Variants in MTF1 observed in about 807,000 individuals in gnomAD.
The protein encoded by MTF1 is metal regulatory transcription factor 1.
Under a neutral mutation model 70.4 loss-of-function variants are expected in MTF1, and 22 were observed. The ratio of observed to expected loss-of-function variants is 0.31; its 90% CI spans 0.22 to 0.45. The LOEUF is 0.45. Ranked by LOEUF, MTF1 falls within the 20% of genes least tolerant of loss-of-function variation. The pLI, the probability that MTF1 is intolerant of heterozygous loss-of-function variation, is 1.00. For missense variants in MTF1, 649 were observed against 922.0 expected, an observed-to-expected ratio of 0.70 and a Z score of 3.83; for synonymous variants, 333 against 352.8, an observed-to-expected ratio of 0.94 and a Z score of 0.63.
chr1:37,838,800 T>C lies in MTF1; in HGVS notation c.648-44A>G, dbSNP rs1021136155. On this transcript the variant is annotated intron_variant, in intron 3 of 10. Coordinates refer to ENST00000373036, the MANE Select transcript of MTF1 (RefSeq NM_005955.3). ...AAATTCCCTTTGTCATAAAATTCTTTTTTTTTTTTTTTTTTTTTTCTGAGA... is the reference window on the plus strand; with the variant it reads ...AAATTCCCTTTGTCATAAAATTCTTCTTTTTTTTTTTTTTTTTTTCTGAGA... 9 of 1,049,936 alleles carry C rather than the reference T, an allele frequency of 8.6e-6. No homozygotes were observed. In the African/African-American group the frequency reaches 9.1e-5, roughly 11 times the overall value. The allele number at this position is 1,049,936 out of a possible 1,614,324, so 65.0% of individuals were successfully genotyped here. A position where few individuals can be genotyped will look rare whatever the true frequency, so the allele number is the denominator to read the frequency against.
intron 2 of MTF1, among the ~76,000 whole-genome samples, chr1:37,856,746 C>T (rs11485996): frequency 0.27 from 40,030 of 151,028 alleles, 5,496 homozygotes; most frequent in Non-Finnish European, 0.3. Context: ...ATGATCCACC[C>T]GCCTCAGCCT....
rs1640834718 is a variant in MTF1, at chr1:37,817,302, A to C, written c.1831+117T>G. 6.8e-6 allele frequency: 5 copies of C among 730,252 alleles called. 1 individual carries two copies. In the South Asian group the frequency reaches 7.8e-5, roughly 11 times the overall value. 45.2% of individuals were successfully genotyped at this position (730,252 alleles called of 1,614,324 possible). ...GCCAACAATACAATGTGAAGAATTT[A>C]ACTGAGGCTGTTTAAAGATTTTTAA... On this transcript the variant is annotated intron_variant, in intron 10 of 10. Coordinates refer to ENST00000373036, the MANE Select transcript of MTF1 (RefSeq NM_005955.3).
intron 2 of MTF1, among the ~76,000 whole-genome samples, chr1:37,843,036 TAA>T (rs1022771915): frequency 1.3e-5 from 2 of 152,292 alleles, no homozygotes; most frequent in African/African-American, 4.8e-5. Flanking sequence ...TTTTTGTTTT[TAA>T]GAGACAGGGT....
chr1:37,820,214 C>T (rs970941046), intron 9 of MTF1, among the ~76,000 whole-genome samples: 1 of 152,104 alleles, frequency 6.6e-6, no homozygotes, highest in Non-Finnish European at 1.5e-5. Flanking sequence ...CCTGTTGAGC[C>T]CCAAATGGCC....
At position 37,814,754 on chromosome 1, in the gene MTF1, G is replaced by A. The variant is rs964529177; in HGVS notation, c.*382C>T. 4 of 201,684 alleles carry A rather than the reference G, an allele frequency of 2.0e-5. No individual in the cohort carries two copies. The highest frequency in any genetic ancestry group is 5.3e-5 in the Admixed American group (1 of 18,782). The allele number at this position is 201,684 out of a possible 1,614,324, so 12.5% of individuals were successfully genotyped here. ...CCCAACACACTGAAAACTCCTGCCC[G>A]ATCCACAAAGACCCCAGTGCAAGCG... On this transcript the variant is annotated 3_prime_UTR_variant, in exon 11 of 11. Coordinates refer to ENST00000373036, the MANE Select transcript of MTF1 (RefSeq NM_005955.3).
Position 37,815,577 on chromosome 1 carries a change from G to C in MTF1, c.1832-11C>G. 1 of 1,520,144 alleles carries C rather than the reference G, an allele frequency of 6.6e-7. No homozygotes were observed. The highest frequency in any genetic ancestry group is 1.3e-5 in the South Asian group (1 of 74,762). 94.2% of individuals were successfully genotyped at this position (1,520,144 alleles called of 1,614,324 possible). A position where few individuals can be genotyped will look rare whatever the true frequency, so the allele number is the denominator to read the frequency against. The stretch of plus-strand genomic sequence containing the variant: ...GCTGGACAGAGCTCCCTGCGAGAGA[G>C]GCAAGAGAGACTGCTCTTCAAGTAG... On this transcript the variant is annotated splice_polypyrimidine_tract_variant and intron_variant, in intron 10 of 10. Transcript: ENST00000373036. This position sits in a 1 kb window ranked among gnomAD's most constrained non-coding sequence, Gnocchi z 4.5.
intron 9 of MTF1, among the ~76,000 whole-genome samples, chr1:37,819,004 A>C (rs1279207601): frequency 6.6e-6 from 1 of 152,006 alleles, no homozygotes; most frequent in Admixed American, 6.6e-5. Flanking sequence ...AAACAAAAAA[A>C]AAAAAATGAA....
chr1:37,813,036 T>A lies in MTF1; in HGVS notation c.*2100A>T, dbSNP rs1391780480. The A allele has an allele frequency of 1.3e-5, 2 of 152,248 alleles. No individual in the cohort carries two copies. The highest frequency in any genetic ancestry group is 4.8e-5 in the African/African-American group (2 of 41,420). The allele number at this position is 152,248 out of a possible 1,614,324, so 9.4% of individuals were successfully genotyped here. ...TGGCTCACACCTGTAATCCCAGCAC[T>A]TTGGGAGACTGAGGCGGGAGGATCA... On this transcript the variant is annotated 3_prime_UTR_variant, in exon 11 of 11. Transcript: ENST00000373036.
intron 7 of MTF1, among the ~76,000 whole-genome samples, chr1:37,828,918 C>T (rs1338767766): frequency 6.6e-6 from 1 of 152,046 alleles, no homozygotes; most frequent in Non-Finnish European, 1.5e-5. Context: ...TGTCTGGGAC[C>T]AGGATGGATC....
Position 37,815,200 on chromosome 1 carries a change from A to G in MTF1, c.2198T>C (p.Ile733Thr), listed in dbSNP as rs1333032320. ...LQSLDTPSNLIPIEALLQGEE... is the reference protein window; with the variant it reads ...LQSLDTPSNLTPIEALLQGEE... ...CCCCTGCAGTAGTGCTTCAATGGGAATCAGATTGGACGGGGTGTCCAGGCT... is the reference window on the plus strand; with the variant it reads ...CCCCTGCAGTAGTGCTTCAATGGGAGTCAGATTGGACGGGGTGTCCAGGCT... Residue 733 changes from isoleucine (I) to threonine (T), a missense_variant, in exon 11 of 11, where the codon ATT (isoleucine) becomes ACT (threonine). Around this residue, in one of 7 missense-constraint regions of MTF1, gnomAD observed 138 missense variants for 134.4 expected, o/e 1.03. Transcript: ENST00000373036. The surrounding 1 kb of genome is among the most constrained non-coding windows in gnomAD (Gnocchi z 4.5). 2 of 1,614,048 alleles carry G rather than the reference A, an allele frequency of 1.2e-6. No individual in the cohort carries two copies. The highest frequency in any genetic ancestry group is 2.7e-5 in the African/African-American group (2 of 74,912).
intron 2 of MTF1, among the ~76,000 whole-genome samples, chr1:37,855,828 C>T (rs1370313538): frequency 6.6e-6 from 1 of 151,898 alleles, no homozygotes; most frequent in Non-Finnish European, 1.5e-5. Context: ...CATGGTGGTG[C>T]GTGCCTGTAA....
intron 5 of MTF1, among the ~76,000 whole-genome samples, 156 bp downstream of exon 5, chr1:37,835,515 T>C (rs2148411253): frequency 6.6e-6 from 1 of 152,248 alleles, no homozygotes; most frequent in South Asian, 2.1e-4. Flanking sequence ...GGTCCGCCTC[T>C]GAAAGAAACC....
chr1:37,855,133 T>A (rs1166567738), intron 2 of MTF1, among the ~76,000 whole-genome samples: 1 of 152,062 alleles, frequency 6.6e-6, no homozygotes, highest in Non-Finnish European at 1.5e-5. Context: ...GATGAGAGAC[T>A]GGGGAAAATG....
intron 2 of MTF1, among the ~76,000 whole-genome samples, chr1:37,848,242 G>A (rs1005705504): frequency 6.6e-6 from 1 of 152,142 alleles, no homozygotes; most frequent in South Asian, 2.1e-4. Flanking sequence ...AACATCCAGC[G>A]AACAATCATG....
chr1:37,846,391 TAAAAAAAAAA>T (rs370112178), intron 2 of MTF1, among the ~76,000 whole-genome samples: 1 of 113,296 alleles, frequency 8.8e-6, no homozygotes, highest in African/African-American at 3.4e-5. Flanking sequence ...AGACCCCATT[TAAAAAAAAAA>T]AAAAAAAAAA....
chr1:37,825,013 C>T (rs572397328), intron 7 of MTF1, among the ~76,000 whole-genome samples: 1 of 152,234 alleles, frequency 6.6e-6, no homozygotes, highest in South Asian at 2.1e-4. Flanking sequence ...TTCTTCTATC[C>T]ATGGTCAACC....
At chr1:37,845,509 GAC>G (rs1641318731) in intron 2 of MTF1, among the ~76,000 whole-genome samples, 1 of 152,162 alleles carries the variant, frequency 6.6e-6, no homozygotes, top group South Asian at 2.1e-4. Flanking sequence ...TTGATTGATT[GAC>G]AGATTGACTG....
chr1:37,817,777 C>T (rs550539623), intron 9 of MTF1, among the ~76,000 whole-genome samples: 7 of 152,338 alleles, frequency 4.6e-5, no homozygotes, highest in Admixed American at 4.6e-4. Flanking sequence ...TTGCTTTTCT[C>T]AAGCAGATTG....
intron 2 of MTF1, among the ~76,000 whole-genome samples, chr1:37,851,587 T>G (rs1488060527): frequency 6.6e-6 from 1 of 152,210 alleles, no homozygotes; most frequent in African/African-American, 2.4e-5. Context: ...TTAAAGCATT[T>G]GAAAAATTCT....
Sources: allele counts gnomAD v4.1 joint callset (sites outside exome capture counted in the v4.1 genomes callset), GRCh38; gene constraint gnomAD v4.1.1; regional missense constraint gnomAD v4.1.1; non-coding constraint Gnocchi (gnomAD v3.1); transcripts MANE v1.5; gene names NCBI Gene and HGNC (gene_info 2026-07-23, HGNC 2026-07-21).